The following LRMDA variants were observed in gnomAD, a reference collection of about 807,000 sequenced individuals.
LRMDA encodes the protein leucine rich melanocyte differentiation associated.
A neutral mutation model predicts 29.8 loss-of-function variants in LRMDA; 18 were observed. The observed-to-expected ratio is 0.60, with a 90% CI of 0.42 to 0.90. LRMDA has a LOEUF of 0.90. Ranked by LOEUF, LRMDA falls within the 40% of genes least tolerant of loss-of-function variation. The pLI is 0.00. For synonymous variants in LRMDA, 125 were observed against 109.4 expected, an observed-to-expected ratio of 1.14 and a Z score of -0.89; for missense variants, 273 against 273.9, an observed-to-expected ratio of 1.00 and a Z score of 0.02.
At chr10:76,237,848 A>G (rs982307448) in intron 5 of LRMDA, among the ~76,000 whole-genome samples, 1 of 139,350 alleles carries the variant, frequency 7.2e-6, no homozygotes, top group South Asian at 2.4e-4. Context: ...CTGGAGTGCA[A>G]TGATGTGATC....
At chr10:75,538,505 ACTGTTC>A (rs1564795506) in intron 2 of LRMDA, among the ~76,000 whole-genome samples, 1 of 152,228 alleles carries the variant, frequency 6.6e-6, no homozygotes, top group Non-Finnish European at 1.5e-5. Flanking sequence ...TCACCCGTAG[ACTGTTC>A]AAATCATAGG....
intron 6 of LRMDA, among the ~76,000 whole-genome samples, chr10:76,521,559 A>G (rs1458128270): frequency 6.6e-6 from 1 of 152,212 alleles, no homozygotes; most frequent in Non-Finnish European, 1.5e-5. Flanking sequence ...TTTGTTGTGT[A>G]GCTTTCCTTT....
intron 5 of LRMDA, among the ~76,000 whole-genome samples, chr10:76,163,089 A>G (rs12775127): frequency 0.19 from 29,357 of 152,080 alleles, 3,279 homozygotes; most frequent in East Asian, 0.52. Flanking sequence ...TCTTGTGACA[A>G]TAGTGACATT....
chr10:75,472,719 T>C (rs1844740783), intron 2 of LRMDA, among the ~76,000 whole-genome samples: 1 of 152,122 alleles, frequency 6.6e-6, no homozygotes, highest in African/African-American at 2.4e-5. Flanking sequence ...TTTCAAAGAG[T>C]GATCTCTGCA....
At chr10:75,551,552 C>A (rs1314638670) in intron 2 of LRMDA, among the ~76,000 whole-genome samples, 1 of 150,104 alleles carries the variant, frequency 6.7e-6, no homozygotes, top group Non-Finnish European at 1.5e-5. Flanking sequence ...TCTAATTGTT[C>A]AGCTCCCACT....
chr10:75,952,374 A>T (rs1441944435), intron 2 of LRMDA, among the ~76,000 whole-genome samples: 3 of 152,124 alleles, frequency 2.0e-5, no homozygotes, highest in African/African-American at 4.8e-5. Context: ...ATATAAAAAA[A>T]CTCCTTCAGT....
intron 2 of LRMDA, among the ~76,000 whole-genome samples, chr10:75,481,872 T>C (rs1305458839): frequency 5.9e-5 from 9 of 152,176 alleles, no homozygotes; most frequent in African/African-American, 2.2e-4. Flanking sequence ...TTCTCTTTGC[T>C]TGGAAGTCTC....
At chr10:75,524,633 T>C (rs1845395042) in intron 2 of LRMDA, among the ~76,000 whole-genome samples, 1 of 152,212 alleles carries the variant, frequency 6.6e-6, no homozygotes, top group East Asian at 1.9e-4. Context: ...GTGTATATGG[T>C]GTCTTCTTCA....
intron 2 of LRMDA, among the ~76,000 whole-genome samples, chr10:75,709,839 AT>A (rs1271154653): frequency 6.6e-6 from 1 of 152,100 alleles, no homozygotes; most frequent in Non-Finnish European, 1.5e-5. Flanking sequence ...AGGAATATGG[AT>A]TTGAGTGCTA....
intron 2 of LRMDA, among the ~76,000 whole-genome samples, chr10:75,784,703 G>GAAAAAAAAAAAAAAAAAA (rs373995294): frequency 9.9e-6 from 1 of 100,526 alleles, no homozygotes; most frequent in Non-Finnish European, 2.1e-5. Context: ...CTCCATCTCA[G>GAAAAAAAAAAAAAAAAAA]AAAAAAAAAA....
rs568810427 is a variant in LRMDA, at chr10:76,151,866, T to A, written c.516+93083T>A. On this transcript the variant is annotated intron_variant, in intron 5 of 6. Transcript: ENST00000611255. ...CTTCCTTTCCAATCCTTATAGTTTT[T>A]ATTGCTTTTTCTTATCTTATTACAC... Among the ~76,000 whole-genome samples, 5 of 152,304 alleles carry A rather than the reference T, an allele frequency of 3.3e-5. No individual in the cohort carries two copies. In the South Asian group the frequency reaches 1.0e-3, roughly 32 times the overall value.
At chr10:76,524,892 A>G (rs1843158815) in intron 6 of LRMDA, among the ~76,000 whole-genome samples, 1 of 152,198 alleles carries the variant, frequency 6.6e-6, no homozygotes, top group African/African-American at 2.4e-5. Flanking sequence ...CTCCACATAT[A>G]AAATAAACTA....
intron 2 of LRMDA, among the ~76,000 whole-genome samples, chr10:75,671,894 A>G (rs1841895640): frequency 6.6e-6 from 1 of 152,208 alleles, no homozygotes; most frequent in South Asian, 2.1e-4. Flanking sequence ...TGCAATAAAG[A>G]GATGATAAAA....
chr10:75,625,332 G>T (rs550993780), intron 2 of LRMDA, among the ~76,000 whole-genome samples: 3 of 152,298 alleles, frequency 2.0e-5, no homozygotes, highest in Admixed American at 6.5e-5. Flanking sequence ...GGAAACTGAG[G>T]CACAGACAGC....
intron 5 of LRMDA, among the ~76,000 whole-genome samples, chr10:76,315,144 T>G (rs1340670817): frequency 2.6e-5 from 4 of 152,198 alleles, no homozygotes; most frequent in Non-Finnish European, 5.9e-5. Flanking sequence ...CTATAACCTC[T>G]CTCTAAATCT....
intron 5 of LRMDA, among the ~76,000 whole-genome samples, chr10:76,313,742 T>C (rs777769224): frequency 6.6e-6 from 1 of 152,212 alleles, no homozygotes; most frequent in Non-Finnish European, 1.5e-5. Context: ...ATAAATGATG[T>C]GTAGAACACA....
At chr10:76,106,789 G>A (rs556752395) in intron 5 of LRMDA, among the ~76,000 whole-genome samples, 3 of 152,294 alleles carry the variant, frequency 2.0e-5, no homozygotes, top group African/African-American at 4.8e-5. Context: ...GATTCTCTGC[G>A]GGACAAGAGG....
chr10:76,264,807 T>C (rs2132313558), intron 5 of LRMDA, among the ~76,000 whole-genome samples: 1 of 152,350 alleles, frequency 6.6e-6, no homozygotes, highest in East Asian at 1.9e-4. Context: ...ATAAGAATCA[T>C]GCCCCATGCT....
At chr10:76,044,859 A>C (rs192691318) in intron 3 of LRMDA, among the ~76,000 whole-genome samples, 51 of 152,350 alleles carry the variant, frequency 3.3e-4, no homozygotes, top group Admixed American at 1.0e-3. Context: ...AGCCAACAGC[A>C]AATGAGTGTG....
Sources: allele counts gnomAD v4.1 joint callset (sites outside exome capture counted in the v4.1 genomes callset), GRCh38; gene constraint gnomAD v4.1.1; transcripts MANE v1.5; gene names NCBI Gene and HGNC (gene_info 2026-07-23, HGNC 2026-07-21).